PCDH9: variants seen among roughly 807,000 people sequenced by gnomAD.
PCDH9 encodes protocadherin 9.
PCDH9 carries 24 observed loss-of-function variants against 70.6 expected under a neutral mutation model. That is an observed-to-expected ratio of 0.34 (90% CI 0.25 to 0.48). The LOEUF is 0.48. Ranked by LOEUF, PCDH9 falls within the 20% of genes least tolerant of loss-of-function variation. The pLI, the probability that PCDH9 is intolerant of heterozygous loss-of-function variation, is 0.99. For synonymous variants in PCDH9, 562 were observed against 558.5 expected (o/e 1.01, Z -0.09); for missense variants, 1,281 against 1,503.6 (o/e 0.85, Z 2.45).
At chr13:66,347,478 AAAAC>A (rs769179934) in intron 4 of PCDH9, among the ~76,000 whole-genome samples, 4 of 152,220 alleles carry the variant, frequency 2.6e-5, no homozygotes, top group Non-Finnish European at 4.4e-5. Context: ...AAAAAAAACA[AAAAC>A]AAACAAAAAA....
At chr13:67,214,088 A>C (rs1294777490) in intron 2 of PCDH9, 1 of 152,218 alleles carries the variant, frequency 6.6e-6, no homozygotes, top group African/African-American at 2.4e-5. Flanking sequence ...GTACTACCGT[A>C]GTGTGTAATA....
chr13:67,171,901 G>C (rs1413080027), intron 2 of PCDH9, among the ~76,000 whole-genome samples: 1 of 152,140 alleles, frequency 6.6e-6, no homozygotes, highest in African/African-American at 2.4e-5. Context: ...TTTCCCTAAA[G>C]GGCCTTACTG....
chr13:66,823,123 C>G (rs906293996), intron 3 of PCDH9, among the ~76,000 whole-genome samples: 1 of 151,870 alleles, frequency 6.6e-6, no homozygotes, highest in Admixed American at 6.6e-5. Context: ...TGTAGTCTAT[C>G]TCATATTCTC....
intron 4 of PCDH9, among the ~76,000 whole-genome samples, chr13:66,365,169 G>A (rs1956533157): frequency 6.6e-6 from 1 of 152,158 alleles, no homozygotes; most frequent in Admixed American, 6.6e-5. Context: ...CTTCCTACAT[G>A]CTATTTGCTA....
Position 67,226,383 on chromosome 13 carries a change from C to T in PCDH9, c.2058G>A (p.Leu686=), listed in dbSNP as rs1377421812. The T allele has an allele frequency of 2.5e-6, 4 of 1,614,142 alleles. No individual in the cohort carries two copies. The South Asian group carries it at 4.4e-5, about 18-fold the overall frequency. Residue 686 remains leucine (L), a synonymous_variant, in exon 2 of 5, where the codon TTG becomes TTA. Transcript: ENST00000377865. The surrounding 1 kb of genome is among the most constrained non-coding windows in gnomAD (Gnocchi z 5.0). ...AGCCAGGAATGGCTGAGAGGGGCAC[C>T]AACTTAAAGGAAGTATTAGACGGTG... The part of the protein sequence containing the change: ...ISPPSNTSFK[L]VPLSAIPGSV...
chr13:66,783,305 G>A (rs2080028968), intron 3 of PCDH9, among the ~76,000 whole-genome samples: 1 of 151,974 alleles, frequency 6.6e-6, no homozygotes, highest in Non-Finnish European at 1.5e-5. Context: ...AAATCTGATA[G>A]TCCTTGCTCA....
chr13:66,496,235 C>A (rs1348725642), intron 4 of PCDH9, among the ~76,000 whole-genome samples: 2 of 152,130 alleles, frequency 1.3e-5, no homozygotes, highest in African/African-American at 4.8e-5. Flanking sequence ...TCCAGTAAAC[C>A]AACTAAAAAC....
intron 3 of PCDH9, among the ~76,000 whole-genome samples, chr13:66,899,612 A>G (rs1036094045): frequency 1.3e-5 from 2 of 152,036 alleles, no homozygotes; most frequent in East Asian, 3.8e-4. Context: ...AGATTGCAGA[A>G]TACAGACACT....
At chr13:66,745,226 GAT>G (rs1189579443) in intron 3 of PCDH9, among the ~76,000 whole-genome samples, 2 of 152,142 alleles carry the variant, frequency 1.3e-5, no homozygotes, top group Non-Finnish European at 1.5e-5. Flanking sequence ...TGATCTGAAT[GAT>G]GTCTTACCCA....
intron 4 of PCDH9, among the ~76,000 whole-genome samples, chr13:66,461,569 G>A (rs1958426247): frequency 6.7e-6 from 1 of 150,100 alleles, no homozygotes; most frequent in Non-Finnish European, 1.5e-5. Flanking sequence ...AGAAAATCAT[G>A]CCTCACGTAG....
chr13:66,933,277 A>G (rs1367708039), intron 2 of PCDH9, among the ~76,000 whole-genome samples: 3 of 152,178 alleles, frequency 2.0e-5, no homozygotes, highest in African/African-American at 7.2e-5. Flanking sequence ...CTATGACATC[A>G]GTATATTTTT....
intron 3 of PCDH9, among the ~76,000 whole-genome samples, chr13:66,722,991 T>C (rs1328826885): frequency 1.3e-5 from 2 of 149,004 alleles, no homozygotes; most frequent in African/African-American, 2.5e-5. Context: ...AAAAAAGTGA[T>C]GATAAACAAT....
chr13:67,055,752 A>T (rs560697027), intron 2 of PCDH9, among the ~76,000 whole-genome samples: 33 of 152,330 alleles, frequency 2.2e-4, no homozygotes, highest in African/African-American at 7.5e-4. Context: ...GTGAGCTATA[A>T]TCACATCACT....
intron 2 of PCDH9, chr13:67,201,218 C>T (rs554722894): frequency 1.3e-5 from 2 of 151,854 alleles, no homozygotes; most frequent in South Asian, 2.1e-4. Context: ...GGTATATATC[C>T]GTTTAAATAA....
intron 2 of PCDH9, among the ~76,000 whole-genome samples, chr13:67,128,582 G>T (rs1328472): frequency 7.8e-4 from 118 of 152,142 alleles, no homozygotes; most frequent in African/African-American, 2.8e-3. Flanking sequence ...CACTCAGTGG[G>T]GTTATTATCA....
chr13:66,974,614 C>A (rs531740872), intron 2 of PCDH9, among the ~76,000 whole-genome samples: 1 of 152,100 alleles, frequency 6.6e-6, no homozygotes, highest in Non-Finnish European at 1.5e-5. Context: ...AGAACTGTTT[C>A]TTGCGGTAAT....
At chr13:66,534,597 T>A (rs774725412) in intron 4 of PCDH9, among the ~76,000 whole-genome samples, 11 of 152,128 alleles carry the variant, frequency 7.2e-5, no homozygotes, top group Non-Finnish European at 7.4e-5. Flanking sequence ...TTTCAACATA[T>A]AAATTTGGGG....
At chr13:66,663,904 C>A (rs1000168049) in intron 3 of PCDH9, among the ~76,000 whole-genome samples, 1 of 152,180 alleles carries the variant, frequency 6.6e-6, no homozygotes, top group African/African-American at 2.4e-5. Context: ...CTGCACCCCA[C>A]AGTGCTCATT....
At chr13:66,779,835 C>CTATATA in intron 3 of PCDH9, among the ~76,000 whole-genome samples, 2 of 24,032 alleles carry the variant, frequency 8.3e-5, no homozygotes, top group Admixed American at 8.3e-4. Context: ...CTCTCTCTCT[C>CTATATA]TCTCTCTCTC....
Sources: gnomAD v4.1 joint callset for allele counts (sites outside exome capture counted in the v4.1 genomes callset) on GRCh38, gnomAD v4.1.1 for gene constraint, Gnocchi (gnomAD v3.1) non-coding constraint, MANE v1.5 for transcripts, NCBI Gene and HGNC (gene_info 2026-07-23, HGNC 2026-07-21) for gene names.